The following FAM53B variants were observed in gnomAD, a reference collection of about 807,000 sequenced individuals.
The protein encoded by FAM53B is protein FAM53B.
In FAM53B, 12 loss-of-function variants were observed where a neutral mutation model predicts 32.7. The ratio of observed to expected loss-of-function variants is 0.37; its 90% CI spans 0.24 to 0.59. The LOEUF (loss-of-function observed/expected upper bound fraction) is 0.59, where lower values mean the gene tolerates loss of function less well. Among genes scored for constraint, FAM53B ranks in the 20% least tolerant of loss-of-function variants. FAM53B has a pLI of 0.72. For synonymous variants in FAM53B, 234 were observed against 228.7 expected, an observed-to-expected ratio of 1.02 and a Z score of -0.21; for missense variants, 477 against 577.7, an observed-to-expected ratio of 0.83 and a Z score of 1.79.
At chr10:124,630,259 TA>T (rs1949381730) in intron 4 of FAM53B, among the ~76,000 whole-genome samples, 1 of 152,038 alleles carries the variant, frequency 6.6e-6, no homozygotes, top group Non-Finnish European at 1.5e-5. Context: ...CCAAAAAAAC[TA>T]AAAATTAGCC....
intron 1 of FAM53B, among the ~76,000 whole-genome samples, chr10:124,736,387 CT>C (rs1360622423): frequency 2.0e-5 from 3 of 152,292 alleles, no homozygotes; most frequent in Non-Finnish European, 4.4e-5. Context: ...TCCTGCACTC[CT>C]TCTGGAGACT....
At position 124,699,117 on chromosome 10, in the gene FAM53B, C is replaced by T. The variant is rs1949895785; in HGVS notation, c.79-2905G>A. Reference sequence around the variant, plus strand: ...GTGCCTCCCACCTGCTTTTCTCTCTCCCATCGCCTCATTTAATGAACATGG... The same window carrying T: ...GTGCCTCCCACCTGCTTTTCTCTCTTCCATCGCCTCATTTAATGAACATGG... On this transcript the variant is annotated intron_variant, in intron 2 of 4. Coordinates refer to ENST00000337318, the MANE Select transcript of FAM53B (RefSeq NM_014661.4). Among the ~76,000 whole-genome samples the T allele has an allele frequency of 2.6e-5, 4 of 152,232 alleles. 1 individual carries two copies. In the South Asian group the frequency reaches 8.3e-4, roughly 31 times the overall value.
At chr10:124,701,386 T>C (rs1391396111) in intron 2 of FAM53B, among the ~76,000 whole-genome samples, 1 of 152,218 alleles carries the variant, frequency 6.6e-6, no homozygotes, top group African/African-American at 2.4e-5. Flanking sequence ...AGGACAAGTA[T>C]TGGTTGTTAC....
chr10:124,736,813 G>C (rs1169977346), intron 1 of FAM53B, among the ~76,000 whole-genome samples: 1 of 152,224 alleles, frequency 6.6e-6, no homozygotes. Flanking sequence ...AGCTATCCAG[G>C]AGCTCGAGGG....
At chr10:124,709,505 TG>T (rs1411632667) in intron 1 of FAM53B, among the ~76,000 whole-genome samples, 1 of 152,116 alleles carries the variant, frequency 6.6e-6, no homozygotes, top group African/African-American at 2.4e-5. Context: ...ATCCCTGCCC[TG>T]GGGGGTCTCA....
intron 1 of FAM53B, among the ~76,000 whole-genome samples, chr10:124,721,820 T>C (rs1236773048): frequency 6.6e-6 from 1 of 152,154 alleles, no homozygotes; most frequent in Non-Finnish European, 1.5e-5. Flanking sequence ...ACTGTCCTAC[T>C]CATGAGCAAA....
intron 3 of FAM53B, among the ~76,000 whole-genome samples, chr10:124,688,929 G>T (rs952468435): frequency 6.6e-6 from 1 of 152,162 alleles, no homozygotes; most frequent in Admixed American, 6.5e-5. Flanking sequence ...CTATGTTTTC[G>T]ATGGTGCCTT....
chr10:124,661,056 TAAAAAAAAAAA>T (rs57830542), intron 4 of FAM53B, among the ~76,000 whole-genome samples: 1 of 130,538 alleles, frequency 7.7e-6, no homozygotes, highest in Non-Finnish European at 1.6e-5. Flanking sequence ...CTACTGAAAT[TAAAAAAAAAAA>T]AAAAAAAAAA....
chr10:124,724,221 T>C (rs1950088408), intron 1 of FAM53B, among the ~76,000 whole-genome samples: 1 of 152,070 alleles, frequency 6.6e-6, no homozygotes, highest in Non-Finnish European at 1.5e-5. Context: ...ATGCCAGAGA[T>C]GGGGTGAGGG....
chr10:124,654,907 G>A lies in FAM53B; in HGVS notation c.906+26700C>T, dbSNP rs908658876. On this transcript the variant is annotated intron_variant, in intron 4 of 4. Coordinates refer to ENST00000337318, the MANE Select transcript of FAM53B (RefSeq NM_014661.4). ...TGGGGGAAGTCACACCAGGCCCCTC[G>A]GGCTCCTTTTGAAAGCAAGACAGGC... Among the ~76,000 whole-genome samples the A allele has an allele frequency of 6.6e-5, 10 of 152,298 alleles. No individual in the cohort carries two copies. The East Asian group carries it at 9.6e-4, about 15-fold the overall frequency.
Position 124,623,074 on chromosome 10 carries a change from C to T in FAM53B, c.*168G>A. On this transcript the variant is annotated 3_prime_UTR_variant, in exon 5 of 5. Coordinates refer to ENST00000337318, the MANE Select transcript of FAM53B (RefSeq NM_014661.4). ...ACACCCGCTGTATGACGCGGCCAGG[C>T]CAGGCTCTCCCCCAGGCAGCAGGTG... 4.4e-6 allele frequency: 4 copies of T among 901,062 alleles called. No individual in the cohort carries two copies. Among genetic ancestry groups the T allele is most frequent in the Non-Finnish European group, 6.6e-6 (4 of 604,650 alleles). 55.8% of individuals were successfully genotyped at this position (901,062 alleles called of 1,614,324 possible). A position where few individuals can be genotyped will look rare whatever the true frequency, so the allele number is the denominator to read the frequency against.
intron 1 of FAM53B, among the ~76,000 whole-genome samples, chr10:124,726,176 AC>A (rs1950101932): frequency 6.6e-6 from 1 of 152,204 alleles, no homozygotes; most frequent in African/African-American, 2.4e-5. Context: ...GGTACCTAGA[AC>A]CCTAGTAACT....
chr10:124,736,403 A>G (rs1454785495), intron 1 of FAM53B, among the ~76,000 whole-genome samples: 1 of 152,206 alleles, frequency 6.6e-6, no homozygotes, highest in East Asian at 1.9e-4. Context: ...GAGACTCAAA[A>G]CCACAGACCT....
Position 124,667,549 on chromosome 10 carries a change from C to T in FAM53B, c.906+14058G>A. 2.9e-6 allele frequency: 2 copies of T among 682,240 alleles called. 1 individual carries two copies. Among genetic ancestry groups the T allele is most frequent in the Non-Finnish European group, 5.4e-6 (2 of 368,296 alleles). The allele number at this position is 682,240 out of a possible 1,614,324, so 42.3% of individuals were successfully genotyped here. A position where few individuals can be genotyped will look rare whatever the true frequency, so the allele number is the denominator to read the frequency against. On this transcript the variant is annotated intron_variant, in intron 4 of 4. Coordinates refer to ENST00000337318, the MANE Select transcript of FAM53B (RefSeq NM_014661.4). ...TGGTCAGAGGCTGCCCTCTGAGCCTCCACATCCACAGGGCTGAGGAGGACC... is the reference window on the plus strand; with the variant it reads ...TGGTCAGAGGCTGCCCTCTGAGCCTTCACATCCACAGGGCTGAGGAGGACC...
chr10:124,635,086 TTTTTTA>T (rs55943925), intron 4 of FAM53B, among the ~76,000 whole-genome samples: 61,758 of 151,452 alleles, frequency 0.41, 13,925 homozygotes, highest in Non-Finnish European at 0.52. Context: ...AATTATTTTA[TTTTTTA>T]TTTTTATTTT....
chr10:124,642,032 C>CGTGT (rs1554903408), intron 4 of FAM53B, among the ~76,000 whole-genome samples: 1 of 152,228 alleles, frequency 6.6e-6, no homozygotes, highest in Non-Finnish European at 1.5e-5. Context: ...GAACAAATGG[C>CGTGT]GTGCGTGCAT....
chr10:124,699,210 G>A (rs1312728012), intron 2 of FAM53B, among the ~76,000 whole-genome samples: 1 of 152,232 alleles, frequency 6.6e-6, no homozygotes, highest in Non-Finnish European at 1.5e-5. Context: ...CTTGAGAAAG[G>A]AGGGCTGTCT....
intron 1 of FAM53B, among the ~76,000 whole-genome samples, chr10:124,725,756 A>G (rs1950098322): frequency 6.6e-6 from 1 of 152,238 alleles, no homozygotes; most frequent in African/African-American, 2.4e-5. Context: ...ATGTGTCTCC[A>G]ACTATCACGG....
intron 1 of FAM53B, among the ~76,000 whole-genome samples, chr10:124,730,342 T>C (rs189778924): frequency 5.4e-4 from 83 of 152,330 alleles, no homozygotes; most frequent in African/African-American, 2.0e-3. Flanking sequence ...ACGGCCCCAG[T>C]GAACCAGGAG....
Sources: gnomAD v4.1 joint callset for allele counts (sites outside exome capture counted in the v4.1 genomes callset) on GRCh38, gnomAD v4.1.1 for gene constraint, MANE v1.5 for transcripts, NCBI Gene and HGNC (gene_info 2026-07-23, HGNC 2026-07-21) for gene names.